Variants in CAMK2D observed in about 807,000 individuals in gnomAD.
CAMK2D encodes calcium/calmodulin-dependent protein kinase type II subunit delta.
A neutral mutation model predicts 84.0 loss-of-function variants in CAMK2D; 37 were observed. The ratio of observed to expected loss-of-function variants is 0.44; its 90% confidence interval spans 0.34 to 0.58. The LOEUF (loss-of-function observed/expected upper bound fraction) is 0.58, where lower values mean the gene tolerates loss of function less well. Among genes scored for constraint, CAMK2D ranks in the 20% least tolerant of loss-of-function variants. The probability of loss-of-function intolerance (pLI) is 0.02; values close to 1 mark genes in which losing one functional copy is unlikely to be tolerated. For missense variants in CAMK2D, 448 were observed against 652.5 expected (o/e 0.69, Z 3.41); for synonymous variants, 202 against 212.5 (o/e 0.95, Z 0.43).
chr4:113,600,206 G>C (rs573169899), intron 4 of CAMK2D, among the ~76,000 whole-genome samples: 1 of 152,166 alleles, frequency 6.6e-6, no homozygotes, highest in South Asian at 2.1e-4. Flanking sequence ...TCCTACAATT[G>C]TGGTTACAGA....
At chr4:113,640,982 A>G (rs1360522427) in intron 3 of CAMK2D, among the ~76,000 whole-genome samples, 1 of 152,222 alleles carries the variant, frequency 6.6e-6, no homozygotes. Flanking sequence ...AACATTCCAC[A>G]GACAATATGA....
chr4:113,653,638 C>T (rs1431517719), intron 3 of CAMK2D, among the ~76,000 whole-genome samples: 1 of 152,026 alleles, frequency 6.6e-6, no homozygotes, highest in African/African-American at 2.4e-5. Flanking sequence ...TTTGTTTTCT[C>T]AGTAGATCAA....
At chr4:113,741,134 A>G (rs1326394400) in intron 2 of CAMK2D, among the ~76,000 whole-genome samples, 1 of 152,142 alleles carries the variant, frequency 6.6e-6, no homozygotes, top group East Asian at 1.9e-4. Flanking sequence ...TTACTTAGTA[A>G]TGGCCCCAAA....
Position 113,517,802 on chromosome 4 carries a change from T to A in CAMK2D, c.602-145A>T, listed in dbSNP as rs17046159. 2,230 of 539,266 alleles carry A rather than the reference T, an allele frequency of 4.1e-3. 46 individuals carry two copies. Among genetic ancestry groups the A allele is most frequent in the African/African-American group, 0.036 (1,934 of 53,606 alleles). 33.4% of individuals were successfully genotyped at this position (539,266 alleles called of 1,614,324 possible). A position where few individuals can be genotyped will look rare whatever the true frequency, so the allele number is the denominator to read the frequency against. On this transcript the variant is annotated intron_variant, in intron 8 of 20. Coordinates refer to ENST00000511664, the MANE Select transcript of CAMK2D (RefSeq NM_001321571.2). ...AAAACTTCAGAAAGATGTGTTATGA[T>A]CTAGTCTAGAGCAGTCTCTGGAGGG... is the stretch of plus-strand genomic sequence containing the variant.
chr4:113,562,998 C>A (rs1177253040), intron 4 of CAMK2D, among the ~76,000 whole-genome samples: 1 of 152,144 alleles, frequency 6.6e-6, no homozygotes, highest in African/African-American at 2.4e-5. Flanking sequence ...TGGCTCACAC[C>A]TGTAATCCCA....
chr4:113,620,113 T>C (rs753638790), intron 3 of CAMK2D, among the ~76,000 whole-genome samples: 21 of 152,100 alleles, frequency 1.4e-4, no homozygotes, highest in Non-Finnish European at 2.9e-4. Flanking sequence ...AAGATAGGGT[T>C]GGGTAAGGAT....
At chr4:113,724,835 A>G (rs1226728546) in intron 2 of CAMK2D, among the ~76,000 whole-genome samples, 1 of 151,968 alleles carries the variant, frequency 6.6e-6, no homozygotes, top group Non-Finnish European at 1.5e-5. Context: ...TAACACTATG[A>G]TAACTTTTCT....
chr4:113,521,529 C>T (rs2098358460), intron 8 of CAMK2D, among the ~76,000 whole-genome samples: 1 of 152,114 alleles, frequency 6.6e-6, no homozygotes, highest in Non-Finnish European at 1.5e-5. Context: ...CAAGATTGAG[C>T]ACTTACATGT....
intron 4 of CAMK2D, among the ~76,000 whole-genome samples, chr4:113,585,655 A>G (rs905033790): frequency 1.5e-5 from 2 of 130,092 alleles, no homozygotes; most frequent in Non-Finnish European, 3.3e-5. Context: ...AGTATAGATT[A>G]GTATATAGTA....
intron 2 of CAMK2D, among the ~76,000 whole-genome samples, chr4:113,711,479 A>G (rs1468404720): frequency 6.6e-6 from 1 of 152,292 alleles, no homozygotes; most frequent in East Asian, 1.9e-4. Context: ...TTTACTAAGG[A>G]GATTGTGCCT....
chr4:113,602,410 C>T (rs1182351487), intron 4 of CAMK2D, among the ~76,000 whole-genome samples: 1 of 152,268 alleles, frequency 6.6e-6, no homozygotes, highest in East Asian at 1.9e-4. Flanking sequence ...GAAGCAGATA[C>T]AGATAAAGCT....
chr4:113,664,707 GA>G (rs1010800294), intron 2 of CAMK2D, among the ~76,000 whole-genome samples: 11 of 149,910 alleles, frequency 7.3e-5, no homozygotes, highest in Middle Eastern at 3.4e-3. Context: ...CAATTGGTTA[GA>G]AAAAAAAACC....
chr4:113,529,611 A>AAAT (rs1465038338), intron 8 of CAMK2D, among the ~76,000 whole-genome samples: 6 of 152,182 alleles, frequency 3.9e-5, no homozygotes, highest in African/African-American at 1.4e-4. Context: ...CCTGTATTCA[A>AAAT]AATATATGTT....
chr4:113,640,702 T>G (rs927222759), intron 3 of CAMK2D, among the ~76,000 whole-genome samples: 1 of 152,132 alleles, frequency 6.6e-6, no homozygotes, highest in Admixed American at 6.5e-5. Flanking sequence ...AGAAGAAGCC[T>G]GAAAGCAGAC....
At chr4:113,522,900 T>C (rs890780281) in intron 8 of CAMK2D, among the ~76,000 whole-genome samples, 2 of 152,198 alleles carry the variant, frequency 1.3e-5, no homozygotes, top group Non-Finnish European at 2.9e-5. Flanking sequence ...ATTCATATGT[T>C]GACATCCAAA....
At chr4:113,626,005 T>C (rs977650828) in intron 3 of CAMK2D, among the ~76,000 whole-genome samples, 1 of 147,866 alleles carries the variant, frequency 6.8e-6, no homozygotes, top group African/African-American at 2.5e-5. Context: ...CAGAGTGAGA[T>C]ATCATCTCAA....
At chr4:113,632,111 T>C (rs553529118) in intron 3 of CAMK2D, among the ~76,000 whole-genome samples, 2 of 152,346 alleles carry the variant, frequency 1.3e-5, no homozygotes, top group African/African-American at 2.4e-5. Flanking sequence ...TCAAAGCCTA[T>C]ATGATGTGAA....
intron 2 of CAMK2D, among the ~76,000 whole-genome samples, chr4:113,749,597 A>T (rs1048096362): frequency 6.6e-6 from 1 of 152,220 alleles, no homozygotes; most frequent in Non-Finnish European, 1.5e-5. Flanking sequence ...ATGGATCAAA[A>T]TTTTTTTAAA....
chr4:113,483,685 T>C (rs11935036), intron 16 of CAMK2D, among the ~76,000 whole-genome samples: 35,533 of 152,008 alleles, frequency 0.23, 5,388 homozygotes, highest in East Asian at 0.58. Context: ...GGATTATAGG[T>C]GTGAGCCACC....
Sources: allele counts gnomAD v4.1 joint callset (sites outside exome capture counted in the v4.1 genomes callset), GRCh38; gene constraint gnomAD v4.1.1; transcripts MANE v1.5; gene names NCBI Gene and HGNC (gene_info 2026-07-23, HGNC 2026-07-21).